Variants in CA5A observed in about 807,000 individuals in gnomAD.
The protein encoded by CA5A is carbonic anhydrase 5A.
Under a neutral mutation model 37.1 loss-of-function variants are expected in CA5A, and 28 were observed. That is an observed-to-expected ratio of 0.75 (90% CI 0.56 to 1.03). The LOEUF (loss-of-function observed/expected upper bound fraction) is 1.03. Among genes scored for constraint, CA5A ranks in the 50% least tolerant of loss-of-function variants. The pLI is 0.00. For missense variants in CA5A, 444 were observed against 399.9 expected, an observed-to-expected ratio of 1.11 and a Z score of -0.94; for synonymous variants, 171 against 158.4, an observed-to-expected ratio of 1.08 and a Z score of -0.60.
chr16:87,925,177 TGGCTGC>T (rs1328065911), intron 2 of CA5A, among the ~76,000 whole-genome samples: 1 of 152,180 alleles, frequency 6.6e-6, no homozygotes, highest in Non-Finnish European at 1.5e-5. Context: ...TGTGGAGCTG[TGGCTGC>T]GGCTGCTTTG....
intron 1 of CA5A, among the ~76,000 whole-genome samples, chr16:87,935,872 T>A (rs754826291): frequency 4.7e-5 from 7 of 149,644 alleles, no homozygotes; most frequent in Non-Finnish European, 8.9e-5. Context: ...CAAAACTTCA[T>A]CAAAAAAAGA....
chr16:87,924,425 C>T (rs951876601), intron 2 of CA5A: 26 of 578,964 alleles, frequency 4.5e-5, no homozygotes, highest in African/African-American at 3.3e-4. Context: ...GAAGCTCTCA[C>T]GCCCTGCCCC....
At chr16:87,886,311 G>C (rs927241979), downstream of CA5A, 1 of 151,926 alleles carries the variant, frequency 6.6e-6, no homozygotes, top group Non-Finnish European at 1.5e-5. Flanking sequence ...CACCAAGCTC[G>C]GCTAATTTTG....
At position 87,911,836 on chromosome 16, in the gene CA5A, C is replaced by A. The variant is rs1350056420; in HGVS notation, c.341-6932G>T. On this transcript the variant is annotated intron_variant, in intron 2 of 6. Coordinates refer to ENST00000649794, the MANE Select transcript of CA5A (RefSeq NM_001739.2). This position sits in a 1 kb window ranked among gnomAD's most constrained non-coding sequence, Gnocchi z 4.6. ...CAAGTTGTTTTATAGGTCTGTGGCC[C>A]AGACTAGACGTTTATAAAAGGATAA... Among the ~76,000 whole-genome samples, 2 of 152,156 alleles carry A rather than the reference C, an allele frequency of 1.3e-5. No individual in the cohort carries two copies. Among genetic ancestry groups the A allele is most frequent in the Non-Finnish European group, 2.9e-5 (2 of 68,034 alleles).
At chr16:87,898,312 G>A (rs1036195417) in intron 5 of CA5A, among the ~76,000 whole-genome samples, 5 of 152,176 alleles carry the variant, frequency 3.3e-5, no homozygotes, top group African/African-American at 2.4e-5. Context: ...CTGAGTCCGC[G>A]GGGGAGTGGC....
chr16:87,930,211 C>G (rs2056383648), intron 1 of CA5A, among the ~76,000 whole-genome samples: 1 of 152,174 alleles, frequency 6.6e-6, no homozygotes, highest in African/African-American at 2.4e-5. Context: ...CCGACAGCAT[C>G]TGGCACTATG....
At chr16:87,914,632 G>C (rs1375563767) in intron 2 of CA5A, among the ~76,000 whole-genome samples, 1 of 152,112 alleles carries the variant, frequency 6.6e-6, no homozygotes, top group East Asian at 1.9e-4. Context: ...GGCAGTTGCA[G>C]TGGGTGGGCA....
At chr16:87,919,046 G>A (rs1250808534) in intron 2 of CA5A, among the ~76,000 whole-genome samples, 2 of 152,226 alleles carry the variant, frequency 1.3e-5, no homozygotes, top group Non-Finnish European at 2.9e-5. Flanking sequence ...TCCATGGCCC[G>A]GGAGACACAC....
At chr16:87,936,190 ACG>A in intron 1 of CA5A, 117 bp downstream of exon 1, 2 of 651,050 alleles carry the variant, frequency 3.1e-6, no homozygotes, top group African/African-American at 1.9e-5. Context: ...AAAAAAAAAA[ACG>A]GAGTGGAAAT....
rs1425579412 is a variant in CA5A at position 87,892,111 on chromosome 16, G to A, written c.619-157C>T. 5.0e-6 allele frequency: 3 copies of A among 594,532 alleles called. No individual in the cohort carries two copies. The African/African-American group carries it at 5.9e-5, about 12-fold the overall frequency. The allele number at this position is 594,532 out of a possible 1,614,324, so 36.8% of individuals were successfully genotyped here. ...TGCTGTCACACTTGCAAGCAGTGAT[G>A]AGAAAATGTGACCCTTCTATACAGA... On this transcript the variant is annotated intron_variant, in intron 5 of 6. Coordinates refer to ENST00000649794, the MANE Select transcript of CA5A (RefSeq NM_001739.2).
chr16:87,881,947 T>C (rs2055611140), intron 4 of CA5A: 2 of 152,228 alleles, frequency 1.3e-5, no homozygotes, highest in African/African-American at 4.8e-5. Flanking sequence ...CCCCTGTGTG[T>C]TGATACGGAA....
intron 5 of CA5A, among the ~76,000 whole-genome samples, chr16:87,895,916 G>T (rs1458794734): frequency 1.3e-5 from 2 of 152,190 alleles, no homozygotes; most frequent in South Asian, 2.1e-4. Flanking sequence ...CGCTCTAGCT[G>T]GGCTGTGAAG....
At chr16:87,924,152 C>G (rs1256627049) in intron 2 of CA5A, 1 of 985,438 alleles carries the variant, frequency 1.0e-6, no homozygotes, top group Non-Finnish European at 1.2e-6. Flanking sequence ...CACTTTCCCT[C>G]TTCTTCTCCG....
intron 5 of CA5A, chr16:87,892,206 A>G (rs7189932): frequency 0.2 from 74,981 of 369,472 alleles, 8,083 homozygotes; most frequent in Middle Eastern, 0.29. Context: ...TGGTGCTCAC[A>G]TTTTTCCTTT....
intron 1 of CA5A, among the ~76,000 whole-genome samples, chr16:87,929,727 C>T (rs1235631454): frequency 1.3e-5 from 2 of 151,728 alleles, no homozygotes; most frequent in East Asian, 1.9e-4. Flanking sequence ...AAAAAATTAG[C>T]CGGGCGTGGT....
rs7202775 is a variant in CA5A, at chr16:87,912,086, G to T, written c.341-7182C>A. ...GGAGGCTGAGGCGGGCAGATCACTT[G>T]AGGTCAGATGTCTGAGACCAGCCTG... is the stretch of plus-strand genomic sequence containing the variant. On this transcript the variant is annotated intron_variant, in intron 2 of 6. Coordinates refer to ENST00000649794, the MANE Select transcript of CA5A (RefSeq NM_001739.2). Among the ~76,000 whole-genome samples, 1,289 of 152,268 alleles carry T rather than the reference G, an allele frequency of 8.5e-3. 25 individuals are homozygous for T. The highest frequency in any genetic ancestry group is 0.03 in the African/African-American group (1,228 of 41,546).
At chr16:87,897,640 G>A (rs1361574950) in intron 5 of CA5A, among the ~76,000 whole-genome samples, 1 of 152,260 alleles carries the variant, frequency 6.6e-6, no homozygotes, top group Admixed American at 6.5e-5. Flanking sequence ...CTGGAGCTCA[G>A]CCTGGGTTCT....
chr16:87,935,868 T>A (rs1471669305), intron 1 of CA5A, among the ~76,000 whole-genome samples: 1 of 144,900 alleles, frequency 6.9e-6, no homozygotes, highest in Non-Finnish European at 1.5e-5. Flanking sequence ...AGAGCAAAAC[T>A]TCATCAAAAA....
intron 5 of CA5A, among the ~76,000 whole-genome samples, chr16:87,899,709 C>G (rs770517724): frequency 6.7e-6 from 1 of 150,330 alleles, no homozygotes; most frequent in African/African-American, 2.4e-5. Context: ...CACTTGAGGT[C>G]AGGAGTTTGA....
Sources: gnomAD v4.1 joint callset for allele counts (sites outside exome capture counted in the v4.1 genomes callset) on GRCh38, gnomAD v4.1.1 for gene constraint, Gnocchi (gnomAD v3.1) non-coding constraint, MANE v1.5 for transcripts, NCBI Gene and HGNC (gene_info 2026-07-23, HGNC 2026-07-21) for gene names.